The following CCSER1 variants were observed in gnomAD, a reference collection of about 807,000 sequenced individuals.
The protein encoded by CCSER1 is coiled-coil serine rich protein 1, also known as serine-rich coiled-coil domain-containing protein 1.
Under a neutral mutation model 82.0 loss-of-function variants are expected in CCSER1, and 41 were observed. The ratio of observed to expected loss-of-function variants is 0.50; its 90% confidence interval spans 0.39 to 0.65. The LOEUF (loss-of-function observed/expected upper bound fraction) is 0.65. Ranked by LOEUF, CCSER1 falls within the 30% of genes least tolerant of loss-of-function variation. CCSER1 has a pLI of 0.00. For synonymous variants in CCSER1, 414 were observed against 383.9 expected (o/e 1.08, Z -0.92); for missense variants, 1,119 against 1,064.2 (o/e 1.05, Z -0.72).
intron 5 of CCSER1, among the ~76,000 whole-genome samples, chr4:90,476,711 C>T (rs1011929584): frequency 6.6e-6 from 1 of 152,002 alleles, no homozygotes; most frequent in Non-Finnish European, 1.5e-5. Context: ...AAACTGCTGC[C>T]CTTGATTGAC....
chr4:90,332,771 T>C lies in CCSER1; in HGVS notation c.1509+19724T>C, dbSNP rs565758100. On this transcript the variant is annotated intron_variant, in intron 3 of 10. Transcript: ENST00000509176. ...CTTTACTCCTATATACTTTAGCATG[T>C]ATTTTCTAAGAAGAAGGATATTCTC... is the stretch of plus-strand genomic sequence containing the variant. Among the ~76,000 whole-genome samples, 4 of 152,318 alleles carry C rather than the reference T, an allele frequency of 2.6e-5. No individual in the cohort carries two copies. In the South Asian group the frequency reaches 6.2e-4, roughly 24 times the overall value.
intron 6 of CCSER1, among the ~76,000 whole-genome samples, chr4:90,720,513 T>G (rs1033098204): frequency 6.6e-6 from 1 of 152,078 alleles, no homozygotes; most frequent in Non-Finnish European, 1.5e-5. Flanking sequence ...AAATTTAAAT[T>G]TTAAATTTTA....
At chr4:90,313,606 G>A (rs1735682167) in intron 3 of CCSER1, among the ~76,000 whole-genome samples, 1 of 152,116 alleles carries the variant, frequency 6.6e-6, no homozygotes. Flanking sequence ...TGTAGAGCCT[G>A]CTTTTAGTAT....
At position 90,579,867 on chromosome 4, in the gene CCSER1, A is replaced by AT. The variant is rs988621779; in HGVS notation, c.1725-48149dup. On this transcript the variant is annotated intron_variant, in intron 5 of 10. Coordinates refer to ENST00000509176, the MANE Select transcript of CCSER1 (RefSeq NM_001145065.2). ...GTAATTTCATTCATAGCTGAGAAGGATTTTTTTTTAAAGATGGCTAAAGTC... is the reference window on the plus strand; with the variant it reads ...GTAATTTCATTCATAGCTGAGAAGGATTTTTTTTTTAAAGATGGCTAAAGTC... Among the ~76,000 whole-genome samples the AT allele has an allele frequency of 2.0e-4, 31 of 151,548 alleles. 1 individual carries two copies. Among genetic ancestry groups the AT allele is most frequent in the Non-Finnish European group, 3.2e-4 (22 of 67,820 alleles).
At chr4:90,181,331 AAT>A (rs1733695030) in intron 1 of CCSER1, among the ~76,000 whole-genome samples, 1 of 152,198 alleles carries the variant, frequency 6.6e-6, no homozygotes, top group Admixed American at 6.6e-5. Flanking sequence ...TCAAGGGAAA[AAT>A]TTTCACAATA....
intron 4 of CCSER1, among the ~76,000 whole-genome samples, chr4:90,445,212 T>C (rs972227432): frequency 3.3e-5 from 5 of 152,080 alleles, no homozygotes; most frequent in African/African-American, 7.2e-5. Flanking sequence ...TTGGAACTAC[T>C]CACATTGTTT....
intron 1 of CCSER1, among the ~76,000 whole-genome samples, chr4:90,251,519 A>G (rs1722379546): frequency 6.6e-6 from 1 of 151,838 alleles, no homozygotes; most frequent in African/African-American, 2.4e-5. Flanking sequence ...GATATGGTAT[A>G]TTATATTGAT....
chr4:90,931,724 A>G (rs998118636), intron 9 of CCSER1, among the ~76,000 whole-genome samples: 2 of 152,130 alleles, frequency 1.3e-5, no homozygotes, highest in Admixed American at 6.5e-5. Context: ...CTCTACTTGT[A>G]CTTGATTTAG....
At chr4:91,431,200 C>G (rs1203520519) in intron 10 of CCSER1, among the ~76,000 whole-genome samples, 1 of 152,154 alleles carries the variant, frequency 6.6e-6, no homozygotes, top group Non-Finnish European at 1.5e-5. Flanking sequence ...GGCGCCAATG[C>G]ACTCCAGTCT....
At chr4:90,947,653 A>G (rs947567793) in intron 9 of CCSER1, among the ~76,000 whole-genome samples, 1 of 152,180 alleles carries the variant, frequency 6.6e-6, no homozygotes, top group Admixed American at 6.5e-5. Flanking sequence ...AAGCATTATT[A>G]TACTTGTCAG....
At chr4:91,415,429 C>A (rs1753301501) in intron 10 of CCSER1, among the ~76,000 whole-genome samples, 2 of 152,072 alleles carry the variant, frequency 1.3e-5, no homozygotes, top group African/African-American at 4.8e-5. Flanking sequence ...ATTGCCCTGG[C>A]CAGAAATTCC....
At position 90,969,920 on chromosome 4, in the gene CCSER1, C is replaced by T. The variant is rs550000538; in HGVS notation, c.2172+46473C>T. The stretch of plus-strand genomic sequence containing the variant: ...AAAAGAAGAACCTCTAGCAGATACA[C>T]ATAAGAAATAAAAAAAACCTCTAGT... On this transcript the variant is annotated intron_variant, in intron 9 of 10. Transcript: ENST00000509176. 4.7e-5 allele frequency among the ~76,000 whole-genome samples: 7 copies of T among 150,408 alleles called. No individual in the cohort carries two copies. In the South Asian group the frequency reaches 1.5e-3, roughly 32 times the overall value.
At chr4:91,009,950 G>C (rs998636373) in intron 9 of CCSER1, among the ~76,000 whole-genome samples, 2 of 151,882 alleles carry the variant, frequency 1.3e-5, no homozygotes, top group Admixed American at 1.3e-4. Context: ...TAACAGTCTT[G>C]GGGATTCTGA....
rs545881254 is a variant in CCSER1 at position 91,005,463 on chromosome 4, G to T, written c.2173-80487G>T. 3.3e-5 allele frequency among the ~76,000 whole-genome samples: 5 copies of T among 151,992 alleles called. No homozygotes were observed. The South Asian group carries it at 8.3e-4, about 25-fold the overall frequency. On this transcript the variant is annotated intron_variant, in intron 9 of 10. Coordinates refer to ENST00000509176, the MANE Select transcript of CCSER1 (RefSeq NM_001145065.2). The stretch of plus-strand genomic sequence containing the variant: ...AATTTTTTACAATTTCATGAGAAGG[G>T]AATCAATCTTCAGATTGTTAAACAC...
In CCSER1 at chr4:90,446,922, TTTC is replaced by T. The variant is rs577215013; in HGVS notation, c.1604-21306_1604-21304del. Among the ~76,000 whole-genome samples, 268 of 152,294 alleles carry T rather than the reference TTTC, an allele frequency of 1.8e-3. 1 individual carries two copies. Among genetic ancestry groups the T allele is most frequent in the Non-Finnish European group, 3.2e-3 (216 of 68,010 alleles). On this transcript the variant is annotated intron_variant, in intron 4 of 10. Transcript: ENST00000509176. Reference sequence around the variant, plus strand: ...CAATACATTTTCTCTTCCTTATGATTTTCTTCTTAACATTTTCTTTTCTCTAGC... The same window carrying T: ...CAATACATTTTCTCTTCCTTATGATTTTCTTAACATTTTCTTTTCTCTAGC...
At chr4:91,082,372 A>C (rs951218915) in intron 9 of CCSER1, among the ~76,000 whole-genome samples, 7 of 152,246 alleles carry the variant, frequency 4.6e-5, no homozygotes, top group African/African-American at 1.7e-4. Context: ...GAAAGCTGAA[A>C]CTGGATCCCT....
intron 10 of CCSER1, among the ~76,000 whole-genome samples, chr4:91,410,952 G>A (rs1029855303): frequency 6.6e-5 from 10 of 151,952 alleles, no homozygotes; most frequent in African/African-American, 2.4e-4. Context: ...ATACTAAAAA[G>A]TACATTGTCT....
intron 9 of CCSER1, among the ~76,000 whole-genome samples, chr4:91,062,549 G>A (rs943886071): frequency 3.9e-5 from 6 of 152,028 alleles, no homozygotes; most frequent in African/African-American, 1.2e-4. Context: ...GGTCCCTGGA[G>A]TGCTGATTTG....
At chr4:91,402,880 TC>T (rs1752433121) in intron 10 of CCSER1, among the ~76,000 whole-genome samples, 1 of 152,246 alleles carries the variant, frequency 6.6e-6, no homozygotes, top group Non-Finnish European at 1.5e-5. Flanking sequence ...CAATGAGTGC[TC>T]TTTTTTGGTT....
Sources: gnomAD v4.1 joint callset for allele counts (sites outside exome capture counted in the v4.1 genomes callset) on GRCh38, gnomAD v4.1.1 for gene constraint, MANE v1.5 for transcripts, NCBI Gene and HGNC (gene_info 2026-07-23, HGNC 2026-07-21) for gene names.